EIPR1: variants seen among roughly 807,000 people sequenced by gnomAD.
The protein encoded by EIPR1 is EARP complex and GARP complex interacting protein 1.
A neutral mutation model predicts 48.1 loss-of-function variants in EIPR1; 25 were observed. The observed-to-expected ratio is 0.52, with a 90% CI of 0.38 to 0.73. EIPR1 has a LOEUF of 0.73. Ranked by LOEUF, EIPR1 falls within the 30% of genes least tolerant of loss-of-function variation. The pLI is 0.00. For missense variants in EIPR1, 415 were observed against 506.2 expected (o/e 0.82, Z 1.73); for synonymous variants, 204 against 201.9 (o/e 1.01, Z -0.09).
intron 4 of EIPR1, among the ~76,000 whole-genome samples, chr2:3,222,192 G>C (rs1229916254): frequency 1.3e-5 from 2 of 152,214 alleles, no homozygotes; most frequent in South Asian, 2.1e-4. Context: ...TCTTCCCCTG[G>C]CTAGAAGAAA....
intron 3 of EIPR1, among the ~76,000 whole-genome samples, chr2:3,307,296 C>T (rs1197860536): frequency 1.3e-5 from 2 of 152,170 alleles, no homozygotes; most frequent in African/African-American, 4.8e-5. Flanking sequence ...TCCAGACAGC[C>T]CCTCCCAGCC....
At chr2:3,303,095 G>A (rs1365025394) in intron 3 of EIPR1, among the ~76,000 whole-genome samples, 4 of 152,260 alleles carry the variant, frequency 2.6e-5, no homozygotes, top group Non-Finnish European at 5.9e-5. Flanking sequence ...CAGTGCCCTT[G>A]TGTCCACCTA....
At chr2:3,335,673 G>A (rs185251633) in intron 3 of EIPR1, among the ~76,000 whole-genome samples, 1 of 152,288 alleles carries the variant, frequency 6.6e-6, no homozygotes, top group African/African-American at 2.4e-5. Flanking sequence ...GAACCTGGTG[G>A]GAGATGACTG....
At chr2:3,318,828 C>A (rs1360135436) in intron 3 of EIPR1, 1 of 470,376 alleles carries the variant, frequency 2.1e-6, no homozygotes, top group African/African-American at 2.0e-5. Flanking sequence ...AGGAGGGGTG[C>A]TTGTTTACAT....
chr2:3,285,712 C>T (rs1321716839), intron 3 of EIPR1, among the ~76,000 whole-genome samples: 3 of 128,930 alleles, frequency 2.3e-5, no homozygotes, highest in Non-Finnish European at 4.9e-5. Context: ...CCGGGACCCT[C>T]GCACGGAGCA....
intron 5 of EIPR1, among the ~76,000 whole-genome samples, chr2:3,206,008 G>A (rs568789253): frequency 2.2e-4 from 33 of 152,282 alleles, no homozygotes; most frequent in African/African-American, 5.8e-4. Flanking sequence ...TATGTGGGGC[G>A]AACACTGATG....
chr2:3,259,277 T>C (rs1276672826), intron 3 of EIPR1, among the ~76,000 whole-genome samples: 4 of 127,850 alleles, frequency 3.1e-5, no homozygotes, highest in Non-Finnish European at 7.2e-5. Flanking sequence ...AAATGACTAA[T>C]GGCAGACACT....
chr2:3,358,153 C>A (rs1049700809), intron 1 of EIPR1, among the ~76,000 whole-genome samples: 1 of 152,162 alleles, frequency 6.6e-6, no homozygotes, highest in African/African-American at 2.4e-5. Context: ...TCACATCCAA[C>A]TCTTACGTGT....
intron 4 of EIPR1, among the ~76,000 whole-genome samples, chr2:3,254,926 T>C (rs1434328563): frequency 6.6e-6 from 1 of 152,256 alleles, no homozygotes; most frequent in African/African-American, 2.4e-5. Context: ...TACAGTACCA[T>C]AGTTATGCAG....
intron 4 of EIPR1, among the ~76,000 whole-genome samples, chr2:3,236,543 C>T (rs575870674): frequency 6.6e-6 from 1 of 152,258 alleles, no homozygotes; most frequent in Admixed American, 6.5e-5. Context: ...GGACACAACT[C>T]GGGCCAGGGA....
intron 7 of EIPR1, among the ~76,000 whole-genome samples, chr2:3,193,209 A>G (rs371330498): frequency 6.6e-6 from 1 of 152,254 alleles, no homozygotes; most frequent in East Asian, 1.9e-4. Flanking sequence ...CTCAGACCAC[A>G]GGAAATTCCA....
At chr2:3,340,810 G>A (rs1012919913) in intron 2 of EIPR1, among the ~76,000 whole-genome samples, 1 of 152,076 alleles carries the variant, frequency 6.6e-6, no homozygotes, top group African/African-American at 2.4e-5. Context: ...ACAATAGAAT[G>A]GGTAGGCCAG....
intron 3 of EIPR1, among the ~76,000 whole-genome samples, chr2:3,296,175 TGC>T (rs1668583593): frequency 9.4e-6 from 1 of 105,868 alleles, no homozygotes. Flanking sequence ...CTCCTCTCCC[TGC>T]ACACATACAC....
chr2:3,260,214 C>T (rs369094117), intron 3 of EIPR1, among the ~76,000 whole-genome samples: 13 of 152,132 alleles, frequency 8.5e-5, no homozygotes, highest in Non-Finnish European at 1.3e-4. Flanking sequence ...AAGCAGTGGC[C>T]GGGCATGGTG....
intron 3 of EIPR1, among the ~76,000 whole-genome samples, chr2:3,285,916 G>A (rs372993390): frequency 2.0e-5 from 3 of 149,700 alleles, no homozygotes; most frequent in South Asian, 4.3e-4. Flanking sequence ...TGGAGCAGAA[G>A]TCACCGACTG....
chr2:3,310,450 G>A (rs1429157489), intron 3 of EIPR1, among the ~76,000 whole-genome samples: 63 of 143,040 alleles, frequency 4.4e-4, no homozygotes, highest in African/African-American at 1.5e-3. Context: ...TCAGGAGACT[G>A]AGACCATCCT....
intron 5 of EIPR1, chr2:3,208,367 T>G: frequency 4.0e-6 from 5 of 1,247,674 alleles, no homozygotes; most frequent in Non-Finnish European, 3.2e-6. Flanking sequence ...GTGGGACTCA[T>G]TTATAGGGCA....
intron 3 of EIPR1, among the ~76,000 whole-genome samples, chr2:3,326,046 GC>G (rs1433332539): frequency 6.6e-6 from 1 of 152,214 alleles, no homozygotes; most frequent in Non-Finnish European, 1.5e-5. Context: ...GCTCCCCAGT[GC>G]AGAGGAGGCT....
At position 3,293,720 on chromosome 2, in the gene EIPR1, T is replaced by G. The variant is rs1413541832; in HGVS notation, c.260-36265A>C. 2.0e-5 allele frequency among the ~76,000 whole-genome samples: 3 copies of G among 152,202 alleles called. No homozygotes were observed. The East Asian group carries it at 5.8e-4, about 29-fold the overall frequency. ...TGGCCACAGCAGCAGGTAAACTCTCTTAATATGCTGCAGGTGAGACCCACC... is the reference window on the plus strand; with the variant it reads ...TGGCCACAGCAGCAGGTAAACTCTCGTAATATGCTGCAGGTGAGACCCACC... On this transcript the variant is annotated intron_variant, in intron 3 of 8. Transcript: ENST00000382125.
Sources: allele counts gnomAD v4.1 joint callset (sites outside exome capture counted in the v4.1 genomes callset), GRCh38; gene constraint gnomAD v4.1.1; transcripts MANE v1.5; gene names NCBI Gene and HGNC (gene_info 2026-07-23, HGNC 2026-07-21).